The following ANLN variants were observed in gnomAD, a reference collection of about 807,000 sequenced individuals.
ANLN encodes the protein anillin.
Under a neutral mutation model 135.1 loss-of-function variants are expected in ANLN, and 59 were observed. The observed-to-expected ratio is 0.44, with a 90% confidence interval of 0.35 to 0.54. ANLN has a LOEUF of 0.54. Ranked by LOEUF, ANLN falls within the 20% of genes least tolerant of loss-of-function variation. The pLI is 0.00. For synonymous variants in ANLN, 406 were observed against 456.4 expected (o/e 0.89, Z 1.41); for missense variants, 1,182 against 1,340.0 (o/e 0.88, Z 1.84).
At chr7:36,435,770 G>C (rs935434935) in intron 20 of ANLN, among the ~76,000 whole-genome samples, 2 of 148,250 alleles carry the variant, frequency 1.3e-5, no homozygotes, top group African/African-American at 5.0e-5. Flanking sequence ...CTACTCGGGA[G>C]GCTGAGGCAG....
intron 9 of ANLN, 71 bp from the exon 10 acceptor site, chr7:36,419,173 A>C: frequency 2.6e-6 from 3 of 1,133,182 alleles, no homozygotes; most frequent in African/African-American, 3.2e-5. Context: ...ATGAATATTA[A>C]ATTTTCTTTG....
intron 9 of ANLN, 49 bp downstream of exon 9, chr7:36,417,239 A>G: frequency 9.8e-7 from 1 of 1,017,584 alleles, no homozygotes; most frequent in Non-Finnish European, 1.5e-6. Flanking sequence ...TACTATAGGA[A>G]ATAATATATT....
intron 22 of ANLN, among the ~76,000 whole-genome samples, chr7:36,448,405 A>G (rs1789107473): frequency 6.6e-6 from 1 of 152,206 alleles, no homozygotes; most frequent in Non-Finnish European, 1.5e-5. Context: ...ATTCGTTTTC[A>G]GGTTTCATTT....
chr7:36,395,657 G>A (rs1160803068), intron 1 of ANLN, among the ~76,000 whole-genome samples: 1 of 152,062 alleles, frequency 6.6e-6, no homozygotes, highest in Non-Finnish European at 1.5e-5. Context: ...ATGATTCAGT[G>A]GGTCAACAAT....
intron 20 of ANLN, among the ~76,000 whole-genome samples, chr7:36,430,676 A>T (rs1788276464): frequency 6.6e-6 from 1 of 152,214 alleles, no homozygotes; most frequent in Non-Finnish European, 1.5e-5. Flanking sequence ...TTGGGATTGA[A>T]GAAAATGGTT....
chr7:36,400,185 T>C (rs1275654006), intron 3 of ANLN, among the ~76,000 whole-genome samples: 3 of 152,110 alleles, frequency 2.0e-5, no homozygotes, highest in African/African-American at 7.3e-5. Context: ...GTTACATGAC[T>C]AACAAGCTAA....
chr7:36,438,244 C>T (rs1350188762), intron 20 of ANLN, among the ~76,000 whole-genome samples: 5 of 152,234 alleles, frequency 3.3e-5, no homozygotes, highest in East Asian at 1.9e-4. Flanking sequence ...GCTGCTCTTC[C>T]GCTTTAAATG....
intron 9 of ANLN, among the ~76,000 whole-genome samples, chr7:36,418,676 T>C (rs17291859): frequency 0.081 from 12,337 of 152,278 alleles, 637 homozygotes; most frequent in East Asian, 0.14. Flanking sequence ...TTTGAGTTCT[T>C]AATGCTTTTA....
chr7:36,405,180 T>C (rs1431505922), intron 3 of ANLN, among the ~76,000 whole-genome samples: 1 of 152,246 alleles, frequency 6.6e-6, no homozygotes, highest in Non-Finnish European at 1.5e-5. Flanking sequence ...TAGAGTAACA[T>C]GCTGTACAGG....
intron 5 of ANLN, among the ~76,000 whole-genome samples, chr7:36,408,245 A>G (rs1263598330): frequency 6.6e-6 from 1 of 152,228 alleles, no homozygotes; most frequent in Non-Finnish European, 1.5e-5. Flanking sequence ...CAGACAAAGC[A>G]TGTTTAACTG....
At chr7:36,435,595 C>T (rs904023524) in intron 20 of ANLN, among the ~76,000 whole-genome samples, 2 of 151,964 alleles carry the variant, frequency 1.3e-5, no homozygotes, top group East Asian at 1.9e-4. Context: ...TATCCATGGC[C>T]GGGCGCGGTG....
intron 13 of ANLN, 66 bp downstream of exon 13, chr7:36,422,058 T>G (rs1787898682): frequency 6.5e-7 from 1 of 1,542,336 alleles, no homozygotes. Flanking sequence ...TTTTGATATT[T>G]AGAAATCTTT....
At position 36,443,629 on chromosome 7, in the gene ANLN, A is replaced by ATT. The variant is rs1409529562; in HGVS notation, c.2971-126_2971-125insTT. 356 of 592,368 alleles carry ATT rather than the reference A, an allele frequency of 6.0e-4. 1 individual carries two copies. Among genetic ancestry groups the ATT allele is most frequent in the Non-Finnish European group, 9.2e-4 (310 of 336,068 alleles). 36.7% of individuals were successfully genotyped at this position (592,368 alleles called of 1,614,324 possible). A position where few individuals can be genotyped will look rare whatever the true frequency, so the allele number is the denominator to read the frequency against. On this transcript the variant is annotated intron_variant, in intron 21 of 23. Coordinates refer to ENST00000265748, the MANE Select transcript of ANLN (RefSeq NM_018685.5). ...TTAAGATAAAAGACATGATAAAAAA[A>ATT]CATACAAATAGGTTTTGAGATATGA...
At chr7:36,414,631 G>T (rs944242031) in intron 7 of ANLN, among the ~76,000 whole-genome samples, 14 of 152,294 alleles carry the variant, frequency 9.2e-5, no homozygotes, top group Non-Finnish European at 2.1e-4. Context: ...TAGTATTGAG[G>T]CTTAGATGAG....
At chr7:36,428,288 CTTATT>C in intron 20 of ANLN, 1 of 1,243,730 alleles carries the variant, frequency 8.0e-7, no homozygotes, top group Non-Finnish European at 1.0e-6. Context: ...TTCTCTGTCT[CTTATT>C]TTGTCTGTTT....
intron 9 of ANLN, 122 bp from the exon 10 acceptor site, chr7:36,419,122 G>A: frequency 3.2e-6 from 2 of 631,334 alleles, no homozygotes. Flanking sequence ...CTTTTTAGGA[G>A]GTGCTTTTTT....
chr7:36,407,636 A>G, intron 4 of ANLN, 98 bp from the exon 5 acceptor site: 4 of 872,798 alleles, frequency 4.6e-6, no homozygotes, highest in South Asian at 1.6e-5. Flanking sequence ...TAAATCTTAC[A>G]TAAAGGCTAT....
At chr7:36,435,972 C>T (rs1788533343) in intron 20 of ANLN, among the ~76,000 whole-genome samples, 1 of 142,106 alleles carries the variant, frequency 7.0e-6, no homozygotes, top group Admixed American at 7.1e-5. Context: ...AAATGAAATT[C>T]ATGTAACCAA....
chr7:36,452,395 A>AT, intron 23 of ANLN, 82 bp from the exon 24 acceptor site: 6 of 1,564,114 alleles, frequency 3.8e-6, no homozygotes, highest in African/African-American at 1.4e-5. Context: ...TTATTTAGTC[A>AT]TTTTTTTCCC....
Sources: allele counts gnomAD v4.1 joint callset (sites outside exome capture counted in the v4.1 genomes callset), GRCh38; gene constraint gnomAD v4.1.1; transcripts MANE v1.5; gene names NCBI Gene and HGNC (gene_info 2026-07-23, HGNC 2026-07-21).